Variants in EXOC6B observed in about 807,000 individuals in gnomAD.
EXOC6B encodes the protein SEC15 homolog B.
Under a neutral mutation model 113.5 loss-of-function variants are expected in EXOC6B, and 54 were observed. The ratio of observed to expected loss-of-function variants is 0.48; its 90% CI spans 0.38 to 0.60. The LOEUF (loss-of-function observed/expected upper bound fraction) is 0.60, where lower values mean the gene tolerates loss of function less well. Among genes scored for constraint, EXOC6B ranks in the 20% least tolerant of loss-of-function variants. The pLI is 0.00. For synonymous variants in EXOC6B, 357 were observed against 339.0 expected (o/e 1.05, Z -0.58); for missense variants, 797 against 977.5 (o/e 0.82, Z 2.46).
rs763688110 is a variant in EXOC6B at position 72,741,270 on chromosome 2, G to T, written c.279+34C>A. The T allele has an allele frequency of 3.8e-6, 6 of 1,590,198 alleles. No homozygotes were observed. In the Admixed American group the frequency reaches 9.1e-5, roughly 24 times the overall value. On this transcript the variant is annotated intron_variant, in intron 2 of 21. Transcript: ENST00000272427. ...AATCCTAATCAAAACCCCAACACAG[G>T]ACGGAGAAACAGTATCTCTTAGAGC...
intron 18 of EXOC6B, among the ~76,000 whole-genome samples, chr2:72,431,649 T>A (rs1411612234): frequency 6.6e-6 from 1 of 152,040 alleles, no homozygotes; most frequent in East Asian, 1.9e-4. Flanking sequence ...ACTAAATTTT[T>A]TTATTATTAT....
chr2:72,290,574 A>G (rs1685718311), intron 20 of EXOC6B, among the ~76,000 whole-genome samples: 1 of 152,114 alleles, frequency 6.6e-6, no homozygotes, highest in African/African-American at 2.4e-5. Context: ...TTGTATTCAT[A>G]TGACTTTTTA....
At chr2:72,305,821 T>A (rs1277721045) in intron 20 of EXOC6B, among the ~76,000 whole-genome samples, 4 of 152,236 alleles carry the variant, frequency 2.6e-5, no homozygotes, top group African/African-American at 9.6e-5. Flanking sequence ...CTATCAATTC[T>A]TCAGAATAAT....
chr2:72,597,580 T>C (rs1670154685), intron 6 of EXOC6B, among the ~76,000 whole-genome samples: 1 of 151,950 alleles, frequency 6.6e-6, no homozygotes, highest in Non-Finnish European at 1.5e-5. Context: ...ATAGTAGCTA[T>C]TAATCCAACT....
intron 5 of EXOC6B, among the ~76,000 whole-genome samples, chr2:72,730,273 G>T (rs534456109): frequency 6.6e-6 from 1 of 152,264 alleles, no homozygotes; most frequent in South Asian, 2.1e-4. Context: ...TTCTGTGATG[G>T]TATTTTTTAG....
chr2:72,552,553 A>G (rs925413695), intron 8 of EXOC6B, among the ~76,000 whole-genome samples: 15 of 152,154 alleles, frequency 9.9e-5, no homozygotes, highest in Non-Finnish European at 1.9e-4. Context: ...AAATCATCTA[A>G]GGACAACACA....
intron 18 of EXOC6B, among the ~76,000 whole-genome samples, chr2:72,389,512 G>A (rs1692241537): frequency 6.6e-6 from 1 of 151,910 alleles, no homozygotes; most frequent in South Asian, 2.1e-4. Context: ...CCTCTATGTA[G>A]ATGCAAGCTT....
chr2:72,744,481 T>C (rs1352945041), intron 1 of EXOC6B, among the ~76,000 whole-genome samples: 2 of 152,194 alleles, frequency 1.3e-5, no homozygotes, highest in East Asian at 1.9e-4. Context: ...ACATTTCAAG[T>C]AATCTCAAAT....
intron 5 of EXOC6B, among the ~76,000 whole-genome samples, chr2:72,724,004 C>A (rs1680160902): frequency 6.6e-6 from 1 of 152,132 alleles, no homozygotes; most frequent in African/African-American, 2.4e-5. Flanking sequence ...AGCTCAGCAG[C>A]CTTGCTGACT....
intron 7 of EXOC6B, among the ~76,000 whole-genome samples, chr2:72,562,074 A>G (rs754549130): frequency 1.3e-5 from 2 of 152,154 alleles, no homozygotes; most frequent in Non-Finnish European, 2.9e-5. Context: ...AACACTAGGA[A>G]TGAACACTGT....
At chr2:72,577,208 G>C (rs1249102978) in intron 6 of EXOC6B, among the ~76,000 whole-genome samples, 1 of 152,054 alleles carries the variant, frequency 6.6e-6, no homozygotes, top group African/African-American at 2.4e-5. Flanking sequence ...AACTGAGATA[G>C]AGAAGTACCC....
intron 18 of EXOC6B, among the ~76,000 whole-genome samples, chr2:72,460,776 C>T (rs1344919586): frequency 6.6e-6 from 1 of 151,992 alleles, no homozygotes; most frequent in Non-Finnish European, 1.5e-5. Flanking sequence ...TAAACTAGTT[C>T]AACCATTGTG....
At chr2:72,642,234 G>T (rs1211588472) in intron 6 of EXOC6B, among the ~76,000 whole-genome samples, 3 of 150,278 alleles carry the variant, frequency 2.0e-5, no homozygotes, top group African/African-American at 4.9e-5. Context: ...AGCTACCAAT[G>T]ACTTTCTTCA....
At chr2:72,239,452 A>C (rs1346074193) in intron 20 of EXOC6B, among the ~76,000 whole-genome samples, 1 of 152,142 alleles carries the variant, frequency 6.6e-6, no homozygotes, top group Non-Finnish European at 1.5e-5. Context: ...CCCTCACTGA[A>C]TTGTCTTTGC....
intron 20 of EXOC6B, among the ~76,000 whole-genome samples, chr2:72,269,069 C>T (rs1053079893): frequency 6.6e-6 from 1 of 152,180 alleles, no homozygotes; most frequent in South Asian, 2.1e-4. Flanking sequence ...CTTGCCTAGG[C>T]CTGGGGATCA....
chr2:72,476,560 T>C (rs1325829280), intron 17 of EXOC6B, among the ~76,000 whole-genome samples: 2 of 152,226 alleles, frequency 1.3e-5, no homozygotes, highest in Non-Finnish European at 2.9e-5. Flanking sequence ...ATTCAATTCC[T>C]CTCATTCTGA....
intron 11 of EXOC6B, among the ~76,000 whole-genome samples, chr2:72,503,935 TCTCA>T (rs1410562433): frequency 3.9e-5 from 6 of 152,016 alleles, no homozygotes; most frequent in Non-Finnish European, 4.4e-5. Context: ...TGAGACAGGG[TCTCA>T]CTCTGTCTCC....
intron 20 of EXOC6B, among the ~76,000 whole-genome samples, chr2:72,282,283 T>C (rs898591435): frequency 3.9e-5 from 6 of 152,018 alleles, no homozygotes; most frequent in Admixed American, 3.3e-4. Context: ...ATAGCAGCAA[T>C]AAAAATGTAG....
chr2:72,637,789 C>CAA (rs60536242), intron 6 of EXOC6B, among the ~76,000 whole-genome samples: 4,551 of 96,816 alleles, frequency 0.047, 251 homozygotes, highest in African/African-American at 0.15. Flanking sequence ...GACTCTGTCT[C>CAA]AAAAAAAAAA....
Sources: gnomAD v4.1 joint callset for allele counts (sites outside exome capture counted in the v4.1 genomes callset) on GRCh38, gnomAD v4.1.1 for gene constraint, MANE v1.5 for transcripts, NCBI Gene and HGNC (gene_info 2026-07-23, HGNC 2026-07-21) for gene names.